Variants in NAA60 observed in about 807,000 individuals in gnomAD.
The protein encoded by NAA60 is N-alpha-acetyltransferase 60, NatF catalytic subunit.
A neutral mutation model predicts 26.1 loss-of-function variants in NAA60; 8 were observed. That is an observed-to-expected ratio of 0.31 (90% confidence interval 0.18 to 0.55). The LOEUF is 0.55. NAA60 is among the 20% of genes least tolerant of loss of function. The pLI is 0.93. For missense variants in NAA60, 290 were observed against 311.3 expected, an observed-to-expected ratio of 0.93 and a Z score of 0.51; for synonymous variants, 131 against 122.5, an observed-to-expected ratio of 1.07 and a Z score of -0.46.
At chr16:3,447,779 A>T (rs138386874) in intron 1 of NAA60, among the ~76,000 whole-genome samples, 1,769 of 152,320 alleles carry the variant, frequency 0.012, 17 homozygotes, top group Non-Finnish European at 0.019. Context: ...AGGCTCACAC[A>T]GTTTTGAAAT....
chr16:3,458,071 C>A (rs1040702926), intron 2 of NAA60: 2 of 985,246 alleles, frequency 2.0e-6, no homozygotes, highest in Admixed American at 6.2e-5. Context: ...CGGCCCCTGC[C>A]GGTTACATAA....
chr16:3,469,996 G>C (rs2036024603), intron 2 of NAA60, among the ~76,000 whole-genome samples: 1 of 152,224 alleles, frequency 6.6e-6, no homozygotes, highest in African/African-American at 2.4e-5. Flanking sequence ...CGCCGGGCCT[G>C]CTGGGGCTGC....
intron 2 of NAA60, among the ~76,000 whole-genome samples, chr16:3,473,438 TG>T (rs1161457732): frequency 6.6e-6 from 1 of 152,114 alleles, no homozygotes; most frequent in African/African-American, 2.4e-5. Context: ...TCAGGTCTCG[TG>T]GGACTTATTC....
chr16:3,482,316 G>A (rs1328537482), intron 4 of NAA60, among the ~76,000 whole-genome samples, 186 bp from the exon 5 acceptor site: 2 of 152,172 alleles, frequency 1.3e-5, no homozygotes, highest in Non-Finnish European at 2.9e-5. Flanking sequence ...TCACCAGAAG[G>A]GCATAAACGC....
chr16:3,458,921 A>G (rs557263752), intron 2 of NAA60, among the ~76,000 whole-genome samples: 83 of 152,112 alleles, frequency 5.5e-4, no homozygotes, highest in African/African-American at 1.9e-3. Flanking sequence ...CCTTCTCTGG[A>G]CGACCACCCA....
Position 3,476,240 on chromosome 16 carries a change from G to A in NAA60, c.13G>A (p.Val5Met). The stretch of plus-strand genomic sequence containing the variant: ...CCCACAGGTGTGAATGACAGAGGTG[G>A]TGCCATCCAGCGCGCTCAGCGAGGT... MTEV[V>M]PSSALSEVSL... Residue 5 changes from valine (V) to methionine (M), a missense_variant, in exon 3 of 8, where the codon GTG becomes ATG. Transcript: ENST00000407558. The A allele has an allele frequency of 6.2e-7, 1 of 1,612,988 alleles. No individual in the cohort carries two copies. Among genetic ancestry groups the A allele is most frequent in the Non-Finnish European group, 8.5e-7 (1 of 1,179,424 alleles).
chr16:3,457,215 G>A (rs2035036791), intron 2 of NAA60, among the ~76,000 whole-genome samples: 1 of 152,166 alleles, frequency 6.6e-6, no homozygotes, highest in African/African-American at 2.4e-5. Flanking sequence ...AGAGGCCCAG[G>A]CGGGCAGATC....
chr16:3,486,804 C>T lies in NAA60; in HGVS notation c.*1544C>T, dbSNP rs2037162166. ...CCCCACAGGGTAAGGGACGAGTCTT[C>T]TGGAAGGCTCTGCCATGGACATTTG... On this transcript the variant is annotated 3_prime_UTR_variant, in exon 8 of 8. Coordinates refer to ENST00000407558, the MANE Select transcript of NAA60 (RefSeq NM_001083601.3). 1 of 152,352 alleles carries T rather than the reference C, an allele frequency of 6.6e-6. No homozygotes were observed. Among genetic ancestry groups the T allele is most frequent in the African/African-American group, 2.4e-5 (1 of 41,396 alleles). 9.4% of individuals were successfully genotyped at this position (152,352 alleles called of 1,614,324 possible). A position where few individuals can be genotyped will look rare whatever the true frequency, so the allele number is the denominator to read the frequency against.
intron 5 of NAA60, among the ~76,000 whole-genome samples, chr16:3,483,111 C>G (rs891490414): frequency 2.0e-5 from 3 of 152,240 alleles, no homozygotes; most frequent in Non-Finnish European, 4.4e-5. Flanking sequence ...GAAAGGGAGT[C>G]TCCATGCGGG....
Position 3,479,521 on chromosome 16 carries a change from C to T in NAA60, c.161C>T (p.Ser54Phe), listed in dbSNP as rs1567396028. The T allele has an allele frequency of 6.2e-7, 1 of 1,614,042 alleles. No homozygotes were observed. Among genetic ancestry groups the T allele is most frequent in the Non-Finnish European group, 8.5e-7 (1 of 1,179,878 alleles). The stretch of plus-strand genomic sequence containing the variant: ...ATCACATCCAACAAGAAGTTCTTTT[C>T]CCTTGCTGCAACCTACAGAGGTGCC... ...RDITSNKKFFSLAATYRGAIV... is the reference protein window; with the variant it reads ...RDITSNKKFFFLAATYRGAIV... Residue 54 changes from serine to phenylalanine, a missense_variant, in exon 4 of 8, where the codon TCC (serine) becomes TTC (phenylalanine). Physicochemically the swap from Ser to Phe is radical, Grantham distance 155 (BLOSUM62 -2). Coordinates refer to ENST00000407558, the MANE Select transcript of NAA60 (RefSeq NM_001083601.3).
At chr16:3,465,626 G>A (rs1236097103) in intron 2 of NAA60, among the ~76,000 whole-genome samples, 1 of 152,124 alleles carries the variant, frequency 6.6e-6, no homozygotes, top group Non-Finnish European at 1.5e-5. Context: ...GTGCAGTTTC[G>A]AGGAGGATGC....
At chr16:3,457,334 G>A (rs2035044593) in intron 2 of NAA60, among the ~76,000 whole-genome samples, 1 of 152,190 alleles carries the variant, frequency 6.6e-6, no homozygotes, top group African/African-American at 2.4e-5. Context: ...CAGGCATGGT[G>A]GTTCACACCT....
chr16:3,443,924 C>T (rs996884401), intron 1 of NAA60, 87 bp downstream of exon 1: 32 of 1,455,844 alleles, frequency 2.2e-5, no homozygotes, highest in Non-Finnish European at 2.8e-5. Flanking sequence ...TCGGGCCTAG[C>T]CTGGGCTTGA....
At chr16:3,448,269 G>C (rs112770104) in intron 1 of NAA60, among the ~76,000 whole-genome samples, 185 of 73,862 alleles carry the variant, frequency 2.5e-3, no homozygotes, top group African/African-American at 0.011. Flanking sequence ...GCAAGACCTT[G>C]TCTCAAAAAA....
chr16:3,449,010 C>G (rs1477615685), intron 2 of NAA60: 1 of 153,192 alleles, frequency 6.5e-6, no homozygotes, highest in Non-Finnish European at 1.5e-5. Context: ...GTCTTACACA[C>G]TTGCATCATT....
At chr16:3,465,868 G>A (rs1024349496) in intron 2 of NAA60, among the ~76,000 whole-genome samples, 5 of 152,186 alleles carry the variant, frequency 3.3e-5, no homozygotes, top group Non-Finnish European at 5.9e-5. Context: ...GATACCCAGG[G>A]TAGGGCCTGA....
At chr16:3,449,578 G>A (rs537009684) in intron 2 of NAA60, among the ~76,000 whole-genome samples, 124 of 152,170 alleles carry the variant, frequency 8.1e-4, no homozygotes, top group African/African-American at 2.6e-3. Flanking sequence ...CCAGCTACTC[G>A]GGAGGCTAAG....
At chr16:3,470,678 G>A (rs574113939) in intron 2 of NAA60, among the ~76,000 whole-genome samples, 8 of 152,340 alleles carry the variant, frequency 5.3e-5, no homozygotes, top group Admixed American at 1.3e-4. Flanking sequence ...GGTTGGGGGG[G>A]GCCGCTGGCC....
intron 1 of NAA60, among the ~76,000 whole-genome samples, chr16:3,444,670 A>G (rs937197520): frequency 6.6e-6 from 1 of 152,348 alleles, no homozygotes; most frequent in South Asian, 2.1e-4. Flanking sequence ...AAACCCACCG[A>G]AAGGATGTTC....
Sources: gnomAD v4.1 joint callset for allele counts (sites outside exome capture counted in the v4.1 genomes callset) on GRCh38, gnomAD v4.1.1 for gene constraint, MANE v1.5 for transcripts, NCBI Gene and HGNC (gene_info 2026-07-23, HGNC 2026-07-21) for gene names.